Variants in MCC observed in about 807,000 individuals in gnomAD.
MCC encodes the protein colorectal mutant cancer protein.
MCC carries 90 observed loss-of-function variants against 116.2 expected under a neutral mutation model. The ratio of observed to expected loss-of-function variants is 0.77; its 90% confidence interval spans 0.65 to 0.92. The LOEUF is 0.92. MCC is among the 40% of genes least tolerant of loss of function. MCC has a pLI of 0.00. For missense variants in MCC, 1,516 were observed against 1,312.2 expected (o/e 1.16, Z -2.40); for synonymous variants, 578 against 510.5 (o/e 1.13, Z -1.78).
chr5:113,403,389 G>A (rs1317168303), intron 1 of MCC, among the ~76,000 whole-genome samples: 1 of 152,148 alleles, frequency 6.6e-6, no homozygotes, highest in Non-Finnish European at 1.5e-5. Context: ...ATATACCTAA[G>A]TTAAAGTTAA....
At chr5:113,129,462 A>G (rs1255625310) in intron 5 of MCC, among the ~76,000 whole-genome samples, 1 of 152,186 alleles carries the variant, frequency 6.6e-6, no homozygotes, top group Admixed American at 6.5e-5. Context: ...AACAACAGAA[A>G]TTTATTTTCT....
intron 1 of MCC, among the ~76,000 whole-genome samples, chr5:113,483,038 G>A (rs529198569): frequency 6.6e-6 from 1 of 152,092 alleles, no homozygotes; most frequent in African/African-American, 2.4e-5. Flanking sequence ...CTTGACCTTG[G>A]CATTCTTAAT....
chr5:113,383,413 A>G (rs1769173642), intron 2 of MCC, among the ~76,000 whole-genome samples: 1 of 152,228 alleles, frequency 6.6e-6, no homozygotes, highest in Non-Finnish European at 1.5e-5. Context: ...CTTACGAATC[A>G]TGCTTTCAAA....
Position 113,434,131 on chromosome 5 carries a change from G to C in MCC, c.171-48919C>G. On this transcript the variant is annotated intron_variant, in intron 1 of 18. Coordinates refer to ENST00000408903, the MANE Select transcript of MCC (RefSeq NM_001085377.2). The surrounding 1 kb of genome is among the most constrained non-coding windows in gnomAD (Gnocchi z 4.2). Reference sequence around the variant, plus strand: ...CACTCGCCTGTCAGGTGCTTGGAGCGTGGGAAGTTGACGCGGTGCTCCTTC... The same window carrying C: ...CACTCGCCTGTCAGGTGCTTGGAGCCTGGGAAGTTGACGCGGTGCTCCTTC... The C allele has an allele frequency of 1.9e-6, 3 of 1,614,198 alleles. No homozygotes were observed. The highest frequency in any genetic ancestry group is 1.7e-6 in the Non-Finnish European group (2 of 1,180,022).
intron 17 of MCC, among the ~76,000 whole-genome samples, chr5:113,039,024 T>C (rs1310163206): frequency 6.6e-6 from 1 of 152,144 alleles, no homozygotes; most frequent in Non-Finnish European, 1.5e-5. Flanking sequence ...GGCAGGGCGC[T>C]GACTCCTGCA....
intron 2 of MCC, among the ~76,000 whole-genome samples, chr5:113,343,977 T>C (rs533435245): frequency 2.4e-4 from 36 of 152,128 alleles, no homozygotes; most frequent in Non-Finnish European, 4.4e-4. Context: ...AACCATCAGG[T>C]AAGCAATCAC....
chr5:113,235,100 A>G (rs1037249833), intron 3 of MCC, among the ~76,000 whole-genome samples: 4 of 152,194 alleles, frequency 2.6e-5, no homozygotes, highest in Non-Finnish European at 5.9e-5. Flanking sequence ...GAGTGAGCTG[A>G]TTCTGTTCCT....
At chr5:113,259,125 C>T (rs1765128519) in intron 3 of MCC, among the ~76,000 whole-genome samples, 1 of 152,126 alleles carries the variant, frequency 6.6e-6, no homozygotes, top group Non-Finnish European at 1.5e-5. Flanking sequence ...ACACATAACC[C>T]TATTATTGTT....
intron 11 of MCC, among the ~76,000 whole-genome samples, chr5:113,072,364 A>T (rs1027693618): frequency 6.6e-6 from 1 of 152,218 alleles, no homozygotes; most frequent in Admixed American, 6.5e-5. Context: ...AGGTGCCACA[A>T]GAATGCTTTT....
chr5:113,206,556 A>T (rs1337255814), intron 3 of MCC, among the ~76,000 whole-genome samples: 1 of 152,138 alleles, frequency 6.6e-6, no homozygotes, highest in Non-Finnish European at 1.5e-5. Flanking sequence ...CTCTACTAAA[A>T]AAATTAGCCA....
chr5:113,474,574 A>G (rs1175058247), intron 1 of MCC, among the ~76,000 whole-genome samples: 1 of 152,236 alleles, frequency 6.6e-6, no homozygotes, highest in Non-Finnish European at 1.5e-5. Context: ...GGAACAGGCA[A>G]CTGTTGAAGG....
chr5:113,239,960 C>T (rs550140270), intron 3 of MCC, among the ~76,000 whole-genome samples: 2 of 152,332 alleles, frequency 1.3e-5, no homozygotes, highest in Admixed American at 6.5e-5. Flanking sequence ...AGACACAAAT[C>T]TCATCTGGTC....
intron 3 of MCC, among the ~76,000 whole-genome samples, chr5:113,300,829 C>A (rs1414559288): frequency 6.6e-6 from 1 of 152,124 alleles, no homozygotes; most frequent in African/African-American, 2.4e-5. Flanking sequence ...AATGGCCTGC[C>A]CCATAACGGA....
intron 1 of MCC, among the ~76,000 whole-genome samples, chr5:113,407,190 C>T (rs1247203176): frequency 6.6e-6 from 1 of 152,144 alleles, no homozygotes; most frequent in African/African-American, 2.4e-5. Context: ...TCTTAATAAA[C>T]ATGCAAAGAG....
intron 17 of MCC, among the ~76,000 whole-genome samples, chr5:113,029,369 G>A (rs935105415): frequency 2.7e-5 from 4 of 149,998 alleles, no homozygotes; most frequent in Non-Finnish European, 5.9e-5. Flanking sequence ...TGGCATACCA[G>A]ATCCTCAGCA....
chr5:113,082,336 C>T (rs1023205259), intron 11 of MCC, among the ~76,000 whole-genome samples: 3 of 152,232 alleles, frequency 2.0e-5, no homozygotes, highest in Non-Finnish European at 4.4e-5. Context: ...AATCAGCATG[C>T]CTGGTCGATG....
At chr5:113,180,730 C>G (rs1401715120) in intron 3 of MCC, among the ~76,000 whole-genome samples, 1 of 152,128 alleles carries the variant, frequency 6.6e-6, no homozygotes, top group South Asian at 2.1e-4. Flanking sequence ...AATTTTTCCT[C>G]TATACAACAG....
intron 8 of MCC, among the ~76,000 whole-genome samples, chr5:113,086,852 G>C (rs1755231791): frequency 6.6e-6 from 1 of 152,164 alleles, no homozygotes; most frequent in African/African-American, 2.4e-5. Flanking sequence ...GAATCCCCCA[G>C]AGGGCTTGCT....
At chr5:113,292,315 G>T (rs1400370867) in intron 3 of MCC, among the ~76,000 whole-genome samples, 2 of 152,090 alleles carry the variant, frequency 1.3e-5, no homozygotes, top group Non-Finnish European at 2.9e-5. Flanking sequence ...AACTAACATT[G>T]ATTGGAAAGA....
Sources: allele counts gnomAD v4.1 joint callset (sites outside exome capture counted in the v4.1 genomes callset), GRCh38; gene constraint gnomAD v4.1.1; non-coding constraint Gnocchi (gnomAD v3.1); transcripts MANE v1.5; gene names NCBI Gene and HGNC (gene_info 2026-07-23, HGNC 2026-07-21).